Variants in ZNF416 observed in about 807,000 individuals in gnomAD.
ZNF416 encodes zinc finger protein 416.
ZNF416 carries 5 observed loss-of-function variants against 10.9 expected under a neutral mutation model. The ratio of observed to expected loss-of-function variants is 0.46; its 90% CI spans 0.24 to 0.97. The LOEUF (loss-of-function observed/expected upper bound fraction) is 0.97. ZNF416 is among the 50% of genes least tolerant of loss of function. The pLI is 0.19. For synonymous variants in ZNF416, 267 were observed against 251.8 expected (o/e 1.06, Z -0.57); for missense variants, 675 against 715.0 (o/e 0.94, Z 0.64).
At chr19:57,578,171 C>T (rs1337757118) in intron 1 of ZNF416, 73 bp from the exon 2 acceptor site, 19 of 1,481,842 alleles carry the variant, frequency 1.3e-5, no homozygotes, top group Non-Finnish European at 1.7e-5. Flanking sequence ...CTCCTTGTTT[C>T]CCTGCGCAGC....
rs545916968 is a variant in ZNF416 at position 57,576,068 on chromosome 19, T to C, written c.76-138A>G. On this transcript the variant is annotated intron_variant, in intron 2 of 3. Coordinates refer to ENST00000196489, the MANE Select transcript of ZNF416 (RefSeq NM_017879.3). The stretch of plus-strand genomic sequence containing the variant: ...AGGAGATACCAAGACCTGGTGGCAC[T>C]GATTCCTGCCCTCTCCTCATGGTCC... The C allele has an allele frequency of 3.7e-6, 4 of 1,073,334 alleles. No homozygotes were observed. In the South Asian group the frequency reaches 4.6e-5, roughly 12 times the overall value. The allele number at this position is 1,073,334 out of a possible 1,614,324, so 66.5% of individuals were successfully genotyped here. A position where few individuals can be genotyped will look rare whatever the true frequency, so the allele number is the denominator to read the frequency against.
Position 57,572,384 on chromosome 19 carries a change from T to G in ZNF416, c.1520A>C (p.Tyr507Ser), listed in dbSNP as rs768459376. The change falls in exon 4 of 4, where the codon TAT becomes TCT. Residue 507 changes from tyrosine to serine, a missense_variant. By Grantham distance (144) the Tyr-to-Ser change is moderately radical. Coordinates refer to ENST00000196489, the MANE Select transcript of ZNF416 (RefSeq NM_017879.3). This position sits in a 1 kb window ranked among gnomAD's most constrained non-coding sequence, Gnocchi z 4.5. ...AATTTTCTGGTGTTCAACGAGGGTA[T>G]AGCTTTGTCTAAAAAATTTCCCACA... Reference protein sequence around the residue: ...SECGKFFRQSYTLVEHQKIHT... With the variant: ...SECGKFFRQSSTLVEHQKIHT... 24 of 1,614,146 alleles carry G rather than the reference T, an allele frequency of 1.5e-5. No homozygotes were observed. The highest frequency in any genetic ancestry group is 2.0e-5 in the Non-Finnish European group (24 of 1,180,014).
chr19:57,578,679 G>A lies in ZNF416; in HGVS notation c.26C>T (p.Ser9Leu), dbSNP rs1469936114. The change falls in exon 1 of 4, where the codon TCG becomes TTG. Residue 9 changes from serine (S) to leucine (L), a missense_variant. Coordinates refer to ENST00000196489, the MANE Select transcript of ZNF416 (RefSeq NM_017879.3). MAAAVLRD[S>L]TSVPVTAEAK... is the part of the protein sequence containing the mutation. ...GGGAGACGCAGCACTCACCGAAGTC[G>A]AATCCCTAAGCACGGCCGCCGCCAT... The A allele has an allele frequency of 1.3e-6, 2 of 1,554,714 alleles. No homozygotes were observed. The highest frequency in any genetic ancestry group is 5.0e-5 in the East Asian group (2 of 39,988).
Position 57,573,385 on chromosome 19 carries a change from G to A in ZNF416, c.519C>T (p.Ser173=). The change falls in exon 4 of 4, where the codon AGC becomes AGT. Residue 173 remains serine, a synonymous_variant. Transcript: ENST00000196489. The part of the protein sequence containing the change: ...LFHESGMPFT[S]SEVGKDFLAP... The stretch of plus-strand genomic sequence containing the variant: ...CTAGGAAGTCCTTCCCAACCTCACT[G>A]CTGGTGAAAGGCATTCCTGACTCAT... 6.2e-7 allele frequency: 1 copy of A among 1,614,238 alleles called. No individual in the cohort carries two copies. Among genetic ancestry groups the A allele is most frequent in the Non-Finnish European group, 8.5e-7 (1 of 1,180,042 alleles).
Position 57,572,523 on chromosome 19 carries a change from T to C in ZNF416, c.1381A>G (p.Thr461Ala), listed in dbSNP as rs369719582. 5.1e-5 allele frequency: 82 copies of C among 1,614,016 alleles called. No homozygotes were observed. The highest frequency in any genetic ancestry group is 6.6e-5 in the Non-Finnish European group (78 of 1,180,026). The change falls in exon 4 of 4, where the codon ACT becomes GCT. Residue 461 changes from threonine (T) to alanine (A), a missense_variant. By Grantham distance (58) the Thr-to-Ala change is moderately conservative. Transcript: ENST00000196489. The surrounding 1 kb of genome is among the most constrained non-coding windows in gnomAD (Gnocchi z 4.5). Reference protein sequence around the residue: ...TTLNKHHKVHTAERPYVCGEC... With the variant: ...TTLNKHHKVHAAERPYVCGEC... Reference sequence around the variant, plus strand: ...CCACATACATAAGGCCTTTCTGCAGTGTGAACTTTGTGGTGTTTATTGAGG... The same window carrying C: ...CCACATACATAAGGCCTTTCTGCAGCGTGAACTTTGTGGTGTTTATTGAGG...
Position 57,573,681 on chromosome 19 carries a change from C to T in ZNF416, c.223G>A (p.Asp75Asn). The change falls in exon 4 of 4, where the codon GAT becomes AAT. Residue 75 changes from aspartate (D) to asparagine (N), a missense_variant. Transcript: ENST00000196489. ...ACACTTTGCTCAGGTGTCTCTTCATCCTCCATCCCATGCCAACAAACTGAA... is the reference window on the plus strand; with the variant it reads ...ACACTTTGCTCAGGTGTCTCTTCATTCTCCATCCCATGCCAACAAACTGAA... ...TALVCWHGME[D>N]EETPEQSVSV... 2 of 1,610,910 alleles carry T rather than the reference C, an allele frequency of 1.2e-6. No individual in the cohort carries two copies. Among genetic ancestry groups the T allele is most frequent in the Non-Finnish European group, 1.7e-6 (2 of 1,177,370 alleles).
At position 57,578,109 on chromosome 19, in the gene ZNF416, A is replaced by G; in HGVS notation, c.34-11T>C. 2 of 1,614,196 alleles carry G rather than the reference A, an allele frequency of 1.2e-6. No individual in the cohort carries two copies. Among genetic ancestry groups the G allele is most frequent in the South Asian group, 1.1e-5 (1 of 91,090 alleles). On this transcript the variant is annotated splice_polypyrimidine_tract_variant and intron_variant, in intron 1 of 3. Transcript: ENST00000196489. ...TGCAGTCACGGGAACCTGCGGGAAG[A>G]GGAAGGCTATGAGAGGCAGGTAACT...
chr19:57,576,640 CTCTCT>C (rs1481483265), intron 2 of ZNF416, among the ~76,000 whole-genome samples: 2 of 151,980 alleles, frequency 1.3e-5, no homozygotes, highest in Non-Finnish European at 2.9e-5. Context: ...ACTTGATGTC[CTCTCT>C]TAAGTCACAG....
At position 57,578,857 on chromosome 19, in the gene ZNF416, G is replaced by A. The variant is rs1978658487; in HGVS notation, c.-153C>T. On this transcript the variant is annotated 5_prime_UTR_variant, in exon 1 of 4. Coordinates refer to ENST00000196489, the MANE Select transcript of ZNF416 (RefSeq NM_017879.3). ...GCAGCGTTTCTAACTCAGGCGGCGT[G>A]GGCCGAGGTAGAGAACCACCAAAAT... is the stretch of plus-strand genomic sequence containing the variant. The A allele has an allele frequency of 2.8e-6, 2 of 713,422 alleles. No individual in the cohort carries two copies. Among genetic ancestry groups the A allele is most frequent in the Non-Finnish European group, 4.1e-6 (2 of 485,990 alleles). The allele number at this position is 713,422 out of a possible 1,614,324, so 44.2% of individuals were successfully genotyped here. A position where few individuals can be genotyped will look rare whatever the true frequency, so the allele number is the denominator to read the frequency against.
Position 57,573,153 on chromosome 19 carries a change from A to T in ZNF416, c.751T>A (p.Cys251Ser). Residue 251 changes from cysteine (C) to serine (S), a missense_variant, in exon 4 of 4, where the codon TGC becomes AGC. Coordinates refer to ENST00000196489, the MANE Select transcript of ZNF416 (RefSeq NM_017879.3). ...LYESSKCGKA[C>S]CCECSLVQLQ... Reference sequence around the variant, plus strand: ...TGAACAAGGGAGCACTCACAGCAGCAGGCTTTCCCACATTTGCTAGATTCA... The same window carrying T: ...TGAACAAGGGAGCACTCACAGCAGCTGGCTTTCCCACATTTGCTAGATTCA... The T allele has an allele frequency of 6.2e-7, 1 of 1,614,220 alleles. No individual in the cohort carries two copies. Among genetic ancestry groups the T allele is most frequent in the Non-Finnish European group, 8.5e-7 (1 of 1,180,024 alleles).
chr19:57,578,309 G>A (rs1978621226), intron 1 of ZNF416: 3 of 614,048 alleles, frequency 4.9e-6, no homozygotes, highest in African/African-American at 1.8e-5. Flanking sequence ...CCCCTTCCAG[G>A]CTGTTCCAAC....
chr19:57,571,937 C>A lies in ZNF416; in HGVS notation c.*182G>T. The A allele has an allele frequency of 1.4e-6, 1 of 707,826 alleles. No homozygotes were observed. The highest frequency in any genetic ancestry group is 2.6e-5 in the East Asian group (1 of 38,582). The allele number at this position is 707,826 out of a possible 1,614,324, so 43.8% of individuals were successfully genotyped here. ...GCAGTTTAGAACATGCAAAGGAGCT[C>A]CTGCAAGACACATATGCCTGGAACT... On this transcript the variant is annotated 3_prime_UTR_variant, in exon 4 of 4. Coordinates refer to ENST00000196489, the MANE Select transcript of ZNF416 (RefSeq NM_017879.3).
Position 57,573,444 on chromosome 19 carries a change from C to T in ZNF416, c.460G>A (p.Asp154Asn), listed in dbSNP as rs1261222003. 1 of 1,614,256 alleles carries T rather than the reference C, an allele frequency of 6.2e-7. No homozygotes were observed. The highest frequency in any genetic ancestry group is 1.7e-5 in the Admixed American group (1 of 60,032). ...CAGCACTGCACAAATGAGGCCTTGTCCATGTCACTTTCCAAGGGTTTCTCT... is the reference window on the plus strand; with the variant it reads ...CAGCACTGCACAAATGAGGCCTTGTTCATGTCACTTTCCAAGGGTTTCTCT... Reference protein sequence around the residue: ...SAEKPLESDMDKASFVQCCLF... With the variant: ...SAEKPLESDMNKASFVQCCLF... The change falls in exon 4 of 4, where the codon GAC becomes AAC. Residue 154 changes from aspartate to asparagine, a missense_variant. By Grantham distance (23) the Asp-to-Asn change is conservative. Transcript: ENST00000196489.
intron 3 of ZNF416, 43 bp from the exon 4 acceptor site, chr19:57,573,744 TG>T (rs1185098909): frequency 3.2e-6 from 5 of 1,578,728 alleles, no homozygotes; most frequent in Non-Finnish European, 4.3e-6. Flanking sequence ...TTGACTATGA[TG>T]GGAGTGTATT....
intron 1 of ZNF416, 39 bp from the exon 2 acceptor site, chr19:57,578,137 G>A (rs758056765): frequency 1.6e-5 from 26 of 1,611,550 alleles, no homozygotes; most frequent in Non-Finnish European, 2.1e-5. Context: ...AGGTAACTAT[G>A]GTGGAAGCTC....
rs75651199 is a variant in ZNF416, at chr19:57,572,338, G to C, written c.1566C>G (p.Tyr522Ter). 3 of 1,614,070 alleles carry C rather than the reference G, an allele frequency of 1.9e-6. No homozygotes were observed. The highest frequency in any genetic ancestry group is 2.5e-6 in the Non-Finnish European group (3 of 1,180,018). Reference sequence around the variant, plus strand: ...AGGATTTCCCGCACTGTCCACAGTCGTAAGGCCTTAATCCAGTGTGAATTT... The same window carrying C: ...AGGATTTCCCGCACTGTCCACAGTCCTAAGGCCTTAATCCAGTGTGAATTT... ...HQKIHTGLRPYDCGQCGKSFI... is the reference protein window; with the variant it reads ...HQKIHTGLRP Residue 522 changes from tyrosine to a stop codon, truncating the protein, a stop_gained, in exon 4 of 4, where the codon TAC becomes TAG. Transcript: ENST00000196489. LOFTEE classifies it low-confidence loss of function (END_TRUNC). This position sits in a 1 kb window ranked among gnomAD's most constrained non-coding sequence, Gnocchi z 4.5.
chr19:57,576,576 C>A (rs942920358), intron 2 of ZNF416, among the ~76,000 whole-genome samples: 2 of 152,068 alleles, frequency 1.3e-5, no homozygotes, highest in Admixed American at 1.3e-4. Context: ...CATCCTCAGT[C>A]ACCCAGAAAT....
Position 57,571,966 on chromosome 19 carries a change from G to A in ZNF416, c.*153C>T. The A allele has an allele frequency of 2.2e-6, 2 of 920,586 alleles. No homozygotes were observed. The highest frequency in any genetic ancestry group is 3.3e-6 in the Non-Finnish European group (2 of 607,008). 57.0% of individuals were successfully genotyped at this position (920,586 alleles called of 1,614,324 possible). A position where few individuals can be genotyped will look rare whatever the true frequency, so the allele number is the denominator to read the frequency against. ...CAAGACACATATGCCTGGAACTAAT[G>A]GGAGTCTGACCCATCGGGAGGTCTA... On this transcript the variant is annotated 3_prime_UTR_variant, in exon 4 of 4. Transcript: ENST00000196489.
chr19:57,578,282 T>C (rs574128686), intron 1 of ZNF416, among the ~76,000 whole-genome samples, 184 bp from the exon 2 acceptor site: 12 of 152,300 alleles, frequency 7.9e-5, no homozygotes, highest in African/African-American at 2.9e-4. Context: ...TCAACTTCCC[T>C]GTGCCTCGGT....
Sources: gnomAD v4.1 joint callset for allele counts (sites outside exome capture counted in the v4.1 genomes callset) on GRCh38, gnomAD v4.1.1 for gene constraint, Gnocchi (gnomAD v3.1) non-coding constraint, MANE v1.5 for transcripts, NCBI Gene and HGNC (gene_info 2026-07-23, HGNC 2026-07-21) for gene names.